TNKS: variants seen among roughly 807,000 people sequenced by gnomAD.
The protein encoded by TNKS is poly [ADP-ribose] polymerase tankyrase-1.
Under a neutral mutation model 135.8 loss-of-function variants are expected in TNKS, and 72 were observed. That is an observed-to-expected ratio of 0.53 (90% CI 0.44 to 0.64). The LOEUF is 0.64. TNKS is among the 30% of genes least tolerant of loss of function. TNKS has a pLI of 0.00. For synonymous variants in TNKS, 849 were observed against 649.3 expected (o/e 1.31, Z -4.68); for missense variants, 1,769 against 1,674.0 (o/e 1.06, Z -0.99).
At chr8:9,583,788 G>C (rs1798261771) in intron 2 of TNKS, among the ~76,000 whole-genome samples, 2 of 151,892 alleles carry the variant, frequency 1.3e-5, no homozygotes, top group Non-Finnish European at 2.9e-5. Flanking sequence ...CACCCAGCCT[G>C]TATGGTTTTT....
intron 17 of TNKS, among the ~76,000 whole-genome samples, chr8:9,746,396 A>T (rs907426875): frequency 3.9e-5 from 6 of 152,196 alleles, no homozygotes; most frequent in African/African-American, 1.4e-4. Flanking sequence ...GCCTTTTGCT[A>T]TGTGGAGCTC....
At chr8:9,631,576 T>G (rs1800290119) in intron 3 of TNKS, among the ~76,000 whole-genome samples, 1 of 152,228 alleles carries the variant, frequency 6.6e-6, no homozygotes, top group African/African-American at 2.4e-5. Flanking sequence ...ACAATCAAAT[T>G]TGTCTTCTGC....
At chr8:9,652,511 T>TA (rs1323109505) in intron 3 of TNKS, among the ~76,000 whole-genome samples, 1 of 152,174 alleles carries the variant, frequency 6.6e-6, no homozygotes, top group Non-Finnish European at 1.5e-5. Context: ...GATAGTAAGA[T>TA]AAAAAATACC....
At chr8:9,735,524 C>T (rs557068520) in intron 17 of TNKS, 38 bp downstream of exon 17, 3 of 1,539,696 alleles carry the variant, frequency 1.9e-6, no homozygotes, top group African/African-American at 2.7e-5. Flanking sequence ...AAACTGACCG[C>T]ACGCGGTGGC....
intron 1 of TNKS, among the ~76,000 whole-genome samples, chr8:9,567,685 G>A (rs541469675): frequency 6.6e-6 from 1 of 152,304 alleles, no homozygotes; most frequent in African/African-American, 2.4e-5. Context: ...CCAAAGTGGT[G>A]GGATTACAGG....
intron 3 of TNKS, among the ~76,000 whole-genome samples, chr8:9,646,242 C>T (rs886242987): frequency 6.6e-6 from 1 of 151,870 alleles, no homozygotes; most frequent in African/African-American, 2.4e-5. Flanking sequence ...TTGTTTTTTT[C>T]AGATAGAATA....
intron 3 of TNKS, among the ~76,000 whole-genome samples, chr8:9,664,087 A>G (rs1801869271): frequency 1.3e-5 from 2 of 152,176 alleles, no homozygotes; most frequent in African/African-American, 4.8e-5. Flanking sequence ...ATCTTAGTCC[A>G]TTTAATGTGT....
chr8:9,720,955 T>G lies in TNKS; in HGVS notation c.1921+410T>G, dbSNP rs767569721. On this transcript the variant is annotated intron_variant, in intron 12 of 26. Coordinates refer to ENST00000310430, the MANE Select transcript of TNKS (RefSeq NM_003747.3). ...TTTAAAATTCTTAACTTCATTGCATTATTATAAAATTATCTTGTCTTTTTC... is the reference window on the plus strand; with the variant it reads ...TTTAAAATTCTTAACTTCATTGCATGATTATAAAATTATCTTGTCTTTTTC... Among the ~76,000 whole-genome samples the G allele has an allele frequency of 7.9e-5, 12 of 152,146 alleles. No individual in the cohort carries two copies. The South Asian group carries it at 8.3e-4, about 11-fold the overall frequency.
At chr8:9,637,385 T>C (rs1406075865) in intron 3 of TNKS, among the ~76,000 whole-genome samples, 1 of 152,188 alleles carries the variant, frequency 6.6e-6, no homozygotes, top group Non-Finnish European at 1.5e-5. Flanking sequence ...CTCTTTATAA[T>C]TCTAGTTATA....
intron 1 of TNKS, among the ~76,000 whole-genome samples, chr8:9,568,418 T>C (rs1013677402): frequency 6.6e-6 from 1 of 152,208 alleles, no homozygotes; most frequent in Admixed American, 6.5e-5. Flanking sequence ...TTCACACTCT[T>C]AAAAATAATT....
rs146400820 is a variant in TNKS, at chr8:9,584,386, T to C, written c.898+4003T>C. ...TGGTTTGTCCAGTCATGCACTTCATTTTGTAAATGTAGAATTTTGAATACA... is the reference window on the plus strand; with the variant it reads ...TGGTTTGTCCAGTCATGCACTTCATCTTGTAAATGTAGAATTTTGAATACA... On this transcript the variant is annotated intron_variant, in intron 2 of 26. Coordinates refer to ENST00000310430, the MANE Select transcript of TNKS (RefSeq NM_003747.3). Among the ~76,000 whole-genome samples the C allele has an allele frequency of 4.6e-5, 7 of 152,244 alleles. No homozygotes were observed. The East Asian group carries it at 1.4e-3, about 29-fold the overall frequency.
chr8:9,558,696 G>A (rs1052755077), intron 1 of TNKS: 6 of 152,116 alleles, frequency 3.9e-5, no homozygotes, highest in African/African-American at 1.4e-4. Flanking sequence ...ATCCAGATAA[G>A]CTAGAAGATA....
intron 3 of TNKS, among the ~76,000 whole-genome samples, chr8:9,661,250 A>T (rs1801695542): frequency 6.6e-6 from 1 of 152,114 alleles, no homozygotes; most frequent in Non-Finnish European, 1.5e-5. Flanking sequence ...GTTCATATGG[A>T]ATCAAAAAAG....
rs567443015 is a variant in TNKS, at chr8:9,711,902, T to C, written c.1749+1682T>C. Among the ~76,000 whole-genome samples the C allele has an allele frequency of 1.4e-4, 21 of 152,312 alleles. No homozygotes were observed. The South Asian group carries it at 4.3e-3, about 32-fold the overall frequency. On this transcript the variant is annotated intron_variant, in intron 11 of 26. Transcript: ENST00000310430. ...TTAAACACATAAAAACAGAATTTTC[T>C]CACCTGTTCAAAAGCCTTCCTTAAT...
chr8:9,611,118 T>C (rs1188576735), intron 2 of TNKS, among the ~76,000 whole-genome samples: 1 of 152,212 alleles, frequency 6.6e-6, no homozygotes, highest in Non-Finnish European at 1.5e-5. Context: ...ACCTTAATTT[T>C]AACTGTCTTG....
chr8:9,610,620 C>G (rs1799425508), intron 2 of TNKS, among the ~76,000 whole-genome samples: 1 of 152,096 alleles, frequency 6.6e-6, no homozygotes, highest in South Asian at 2.1e-4. Flanking sequence ...ATTCAACGAA[C>G]TTGGTCCTTT....
Position 9,710,554 on chromosome 8 carries a change from A to G in TNKS, c.1749+334A>G, listed in dbSNP as rs1585359617. The G allele has an allele frequency of 2.1e-5, 10 of 468,226 alleles. No individual in the cohort carries two copies. In the East Asian group the frequency reaches 2.8e-4, roughly 13 times the overall value. 29.0% of individuals were successfully genotyped at this position (468,226 alleles called of 1,614,324 possible). ...GTCCACTTGAATAACAGTTTATCAG[A>G]AAATAAATTATGTTAAATGATAGCA... On this transcript the variant is annotated intron_variant, in intron 11 of 26. Coordinates refer to ENST00000310430, the MANE Select transcript of TNKS (RefSeq NM_003747.3).
rs536728885 is a variant in TNKS at position 9,690,495 on chromosome 8, C to G, written c.1107+9695C>G. ...AAATTTTTGGCCAAGCATGGTGGCT[C>G]ACGCCTGTAATCCCAGCACTTTGGG... On this transcript the variant is annotated intron_variant, in intron 5 of 26. Transcript: ENST00000310430. Among the ~76,000 whole-genome samples, 30 of 152,278 alleles carry G rather than the reference C, an allele frequency of 2.0e-4. No individual in the cohort carries two copies. The South Asian group carries it at 2.3e-3, about 12-fold the overall frequency.
At chr8:9,756,373 C>G (rs1030447843) in intron 20 of TNKS, among the ~76,000 whole-genome samples, 1 of 151,992 alleles carries the variant, frequency 6.6e-6, no homozygotes, top group African/African-American at 2.4e-5. Flanking sequence ...AGAGGTAGCT[C>G]TTTTTGCAGT....
Sources: allele counts gnomAD v4.1 joint callset (sites outside exome capture counted in the v4.1 genomes callset), GRCh38; gene constraint gnomAD v4.1.1; transcripts MANE v1.5; gene names NCBI Gene and HGNC (gene_info 2026-07-23, HGNC 2026-07-21).